SLC12A7: variants seen among roughly 807,000 people sequenced by gnomAD.
SLC12A7 encodes the protein K-Cl cotransporter 4.
Under a neutral mutation model 120.6 loss-of-function variants are expected in SLC12A7, and 100 were observed. The observed-to-expected ratio is 0.83, with a 90% CI of 0.71 to 0.98. The LOEUF (loss-of-function observed/expected upper bound fraction) is 0.98. SLC12A7 is among the 50% of genes least tolerant of loss of function. SLC12A7 has a pLI of 0.00. For missense variants in SLC12A7, 1,373 were observed against 1,548.1 expected (o/e 0.89, Z 1.90); for synonymous variants, 760 against 678.0 (o/e 1.12, Z -1.88).
chr5:1,062,406 G>A (rs527395345), intron 20 of SLC12A7, among the ~76,000 whole-genome samples: 228 of 152,306 alleles, frequency 1.5e-3, no homozygotes, highest in African/African-American at 4.6e-3. Context: ...TCCAGCCATC[G>A]TCCCCGAAGA....
At chr5:1,054,424 C>T (rs776462273) in intron 22 of SLC12A7, among the ~76,000 whole-genome samples, 48 of 152,252 alleles carry the variant, frequency 3.2e-4, no homozygotes, top group Non-Finnish European at 2.1e-4. Flanking sequence ...AGCTTATCTC[C>T]CTCCTCTACC....
chr5:1,053,502 G>A lies in SLC12A7; in HGVS notation c.3027-20C>T, dbSNP rs202107017. On this transcript the variant is annotated intron_variant, in intron 22 of 23. Coordinates refer to ENST00000264930, the MANE Select transcript of SLC12A7 (RefSeq NM_006598.3). ...TGGTCCCTGCAGGGGAGGTGGGCACGGTCAGCGGGCGGCGGGTGCACCCCA... is the reference window on the plus strand; with the variant it reads ...TGGTCCCTGCAGGGGAGGTGGGCACAGTCAGCGGGCGGCGGGTGCACCCCA... 76 of 1,610,958 alleles carry A rather than the reference G, an allele frequency of 4.7e-5. No homozygotes were observed. Among genetic ancestry groups the A allele is most frequent in the East Asian group, 2.2e-4 (10 of 44,828 alleles).
intron 5 of SLC12A7, 108 bp downstream of exon 5, chr5:1,088,198 G>C: frequency 9.0e-7 from 1 of 1,109,316 alleles, no homozygotes; most frequent in Non-Finnish European, 1.3e-6. Context: ...GAGACCCCCA[G>C]GCAGCCCCCG....
rs1018196951 is a variant in SLC12A7 at position 1,106,469 on chromosome 5, A to G, written c.124+5399T>C. ...TCTGTCTCAAAAAAAAAAAAAAAAA[A>G]AAAAAGAAAATTCATATTCCAACAG... On this transcript the variant is annotated intron_variant, in intron 1 of 23. Transcript: ENST00000264930. Among the ~76,000 whole-genome samples the G allele has an allele frequency of 5.3e-5, 8 of 152,040 alleles. No homozygotes were observed. The South Asian group carries it at 8.3e-4, about 16-fold the overall frequency.
At position 1,081,677 on chromosome 5, in the gene SLC12A7, G is replaced by A. The variant is rs758872605; in HGVS notation, c.1197C>T (p.Pro399=). Residue 399 remains proline (P), a synonymous_variant, in exon 9 of 24, where the codon CCC becomes CCT. Coordinates refer to ENST00000264930, the MANE Select transcript of SLC12A7 (RefSeq NM_006598.3). ...CGCTGGCACGGCTCTCCTCTGCCAC[G>A]GGCACCGAGGGCACACCTTTCTTCT... ...FVEKKGVPSV[P]VAEESRASAL... is the part of the protein sequence containing the mutation. The A allele has an allele frequency of 2.1e-5, 34 of 1,612,976 alleles. No individual in the cohort carries two copies. Among genetic ancestry groups the A allele is most frequent in the African/African-American group, 8.0e-5 (6 of 74,946 alleles).
In SLC12A7 at chr5:1,053,364, G is replaced by A; in HGVS notation, c.3145C>T (p.Gln1049Ter). The change falls in exon 23 of 24, where the codon CAG becomes TAG. Residue 1049 changes from glutamine to a stop codon, truncating the protein, a stop_gained. Coordinates refer to ENST00000264930, the MANE Select transcript of SLC12A7 (RefSeq NM_006598.3). LOFTEE classifies it high-confidence loss of function. ...LNMPGPPKNR[Q>*]GDENYMEFLE... ...GAAAGGATACAGTTCTCGTCTCCCT[G>A]CCGGTTTTTGGGAGGACCTGGCATG... 1 of 1,613,950 alleles carries A rather than the reference G, an allele frequency of 6.2e-7. No individual in the cohort carries two copies. Among genetic ancestry groups the A allele is most frequent in the African/African-American group, 1.3e-5 (1 of 75,080 alleles).
chr5:1,097,768 A>C (rs1334374924), intron 1 of SLC12A7, among the ~76,000 whole-genome samples: 1 of 152,158 alleles, frequency 6.6e-6, no homozygotes, highest in Non-Finnish European at 1.5e-5. Context: ...GCGTGTGTTC[A>C]GCCACCAGCA....
At chr5:1,065,547 G>A (rs1163865322) in intron 17 of SLC12A7, 69 bp from the exon 18 acceptor site, 11 of 1,354,012 alleles carry the variant, frequency 8.1e-6, no homozygotes, top group South Asian at 2.9e-5. Context: ...CACCACCCAC[G>A]GTGGCCAGGG....
At chr5:1,076,414 G>GTGACCACCTGGT (rs1738347936) in intron 13 of SLC12A7, among the ~76,000 whole-genome samples, 178 bp from the exon 14 acceptor site, 5 of 44,556 alleles carry the variant, frequency 1.1e-4, no homozygotes, top group Non-Finnish European at 1.4e-4. Flanking sequence ...TCAGGTTCCA[G>GTGACCACCTGGT]CCATCCTGTG....
chr5:1,107,826 A>G (rs1307341217), intron 1 of SLC12A7, among the ~76,000 whole-genome samples: 1 of 152,152 alleles, frequency 6.6e-6, no homozygotes, highest in Non-Finnish European at 1.5e-5. Flanking sequence ...CACGAGGCAA[A>G]GGTCTCCTCA....
chr5:1,093,038 C>G (rs1460112772), intron 3 of SLC12A7, among the ~76,000 whole-genome samples: 1 of 152,152 alleles, frequency 6.6e-6, no homozygotes, highest in Non-Finnish European at 1.5e-5. Flanking sequence ...CCCACTGCAC[C>G]CCCCTCGTTT....
chr5:1,148,591 A>T, the SLC12A7 span, among the ~76,000 whole-genome samples: 1 of 152,240 alleles, frequency 6.6e-6, no homozygotes, highest in East Asian at 1.9e-4. Flanking sequence ...TTAGCTGTAG[A>T]TTGAATTGGC....
At chr5:1,084,042 G>A in intron 7 of SLC12A7, 86 bp from the exon 8 acceptor site, 1 of 1,181,692 alleles carries the variant, frequency 8.5e-7, no homozygotes, top group Non-Finnish European at 1.2e-6. Flanking sequence ...GGGCACCCAT[G>A]GTGTCGCCCG....
chr5:1,075,347 G>A (rs1344040154), intron 15 of SLC12A7, 24 bp downstream of exon 15: 8 of 1,604,670 alleles, frequency 5.0e-6, no homozygotes, highest in Admixed American at 1.7e-5. Context: ...CGCCGGGTCT[G>A]TAAGGGGGGC....
chr5:1,065,434 G>C lies in SLC12A7; in HGVS notation c.2286C>G (p.Cys762Trp). The C allele has an allele frequency of 6.2e-7, 1 of 1,611,220 alleles. No homozygotes were observed. Among genetic ancestry groups the C allele is most frequent in the Non-Finnish European group, 8.5e-7 (1 of 1,178,932 alleles). Residue 762 changes from cysteine (C) to tryptophan (W), a missense_variant, in exon 18 of 24, where the codon TGC becomes TGG. Transcript: ENST00000264930. The stretch of plus-strand genomic sequence containing the variant: ...GCAGGCTGGACGAGACCACCAGCTG[G>C]CAGAAGCCCTTGGTCTTCTCTGTGC... ...LMSTEKTKGF[C>W]QLVVSSSLRD...
chr5:1,119,907 C>A, the SLC12A7 span, among the ~76,000 whole-genome samples: 2 of 152,236 alleles, frequency 1.3e-5, no homozygotes, highest in Admixed American at 1.3e-4. Flanking sequence ...TCTGCCTCCC[C>A]GCAAAAATCC....
In SLC12A7 at chr5:1,083,806, G is replaced by A; in HGVS notation, c.1068C>T (p.Phe356=). Residue 356 remains phenylalanine, a synonymous_variant, in exon 8 of 24, where the codon TTC becomes TTT. Transcript: ENST00000264930. ...SQPSAACDEY[F]IQNNVTEIQG... is the part of the protein sequence containing the mutation. Reference sequence around the variant, plus strand: ...GGATTTCGGTGACGTTGTTCTGGATGAAGTACTCGTCACAGGCGGCGCTGG... The same window carrying A: ...GGATTTCGGTGACGTTGTTCTGGATAAAGTACTCGTCACAGGCGGCGCTGG... 6.2e-7 allele frequency: 1 copy of A among 1,612,128 alleles called. No homozygotes were observed. Among genetic ancestry groups the A allele is most frequent in the Non-Finnish European group, 8.5e-7 (1 of 1,179,468 alleles).
chr5:1,154,354 A>AC, the SLC12A7 span, among the ~76,000 whole-genome samples: 1 of 141,724 alleles, frequency 7.1e-6, no homozygotes, highest in South Asian at 2.4e-4. Context: ...TGGTGTCCGC[A>AC]ACACACACAC....
chr5:1,086,877 G>C, intron 6 of SLC12A7, 26 bp downstream of exon 6: 1 of 1,610,012 alleles, frequency 6.2e-7, no homozygotes, highest in Non-Finnish European at 8.5e-7. Context: ...TGTGGGGTGG[G>C]AACCCTTCCA....
Sources: gnomAD v4.1 joint callset for allele counts (sites outside exome capture counted in the v4.1 genomes callset) on GRCh38, gnomAD v4.1.1 for gene constraint, MANE v1.5 for transcripts, NCBI Gene and HGNC (gene_info 2026-07-23, HGNC 2026-07-21) for gene names.